Variants in MDM2 observed in about 807,000 individuals in gnomAD.
MDM2 encodes E3 ubiquitin-protein ligase Mdm2.
MDM2 carries 11 observed loss-of-function variants against 64.3 expected under a neutral mutation model. The ratio of observed to expected loss-of-function variants is 0.17; its 90% CI spans 0.11 to 0.28. The LOEUF (loss-of-function observed/expected upper bound fraction) is 0.28, where lower values mean the gene tolerates loss of function less well. Ranked by LOEUF, MDM2 falls within the 10% of genes least tolerant of loss-of-function variation. The pLI is 1.00. For synonymous variants in MDM2, 194 were observed against 192.9 expected (o/e 1.01, Z -0.05); for missense variants, 388 against 577.1 (o/e 0.67, Z 3.36).
chr12:68,824,672 G>T, intron 7 of MDM2, 21 bp downstream of exon 7: 1 of 1,432,122 alleles, frequency 7.0e-7, no homozygotes, highest in South Asian at 1.2e-5. Flanking sequence ...ATATTTATTT[G>T]ACGCATTCAC....
At chr12:68,846,202 C>G (rs1490156540), downstream of MDM2, 2 of 152,170 alleles carry the variant, frequency 1.3e-5, no homozygotes, top group African/African-American at 2.4e-5. Flanking sequence ...ATCCGCCCAC[C>G]TCGGCCTCCC....
intron 3 of MDM2, among the ~76,000 whole-genome samples, chr12:68,815,473 ACT>A (rs916872977): frequency 9.1e-6 from 1 of 109,604 alleles, no homozygotes; most frequent in Admixed American, 1.2e-4. Flanking sequence ...ACAGTTTCTC[ACT>A]CTCTTGCCCA....
chr12:68,836,955 CTTTTTTTT>C (rs35125243), intron 10 of MDM2, among the ~76,000 whole-genome samples: 2 of 136,702 alleles, frequency 1.5e-5, no homozygotes, highest in South Asian at 2.4e-4. Context: ...GGAATTTGAA[CTTTTTTTT>C]TTTTTTTTTT....
In MDM2 at chr12:68,845,150, G is replaced by C. The variant is rs1362317967; in HGVS notation, c.*5301G>C. ...CAAGTTGTTAATGGCATTGTGAAAA[G>C]TTTTTAGTTGCGCTTTATGGGTGGA... On this transcript the variant is annotated 3_prime_UTR_variant, in exon 11 of 11. Coordinates refer to ENST00000258149, the MANE Select transcript of MDM2 (RefSeq NM_002392.6). 1 of 223,804 alleles carries C rather than the reference G, an allele frequency of 4.5e-6. No individual in the cohort carries two copies. The highest frequency in any genetic ancestry group is 8.9e-6 in the Non-Finnish European group (1 of 112,326). The allele number at this position is 223,804 out of a possible 1,614,324, so 13.9% of individuals were successfully genotyped here. A position where few individuals can be genotyped will look rare whatever the true frequency, so the allele number is the denominator to read the frequency against.
At chr12:68,809,127 T>C in intron 1 of MDM2, 81 bp from the exon 2 acceptor site, 2 of 1,578,168 alleles carry the variant, frequency 1.3e-6, no homozygotes, top group East Asian at 4.5e-5. Context: ...TTAACTGTTG[T>C]TTATGTTCTT....
At chr12:68,818,509 TTCATC>T (rs1291549242) in intron 4 of MDM2, among the ~76,000 whole-genome samples, 1 of 148,898 alleles carries the variant, frequency 6.7e-6, no homozygotes, top group Non-Finnish European at 1.5e-5. Context: ...ATATTTAAAT[TTCATC>T]TAGCTTCTTA....
intron 8 of MDM2, among the ~76,000 whole-genome samples, chr12:68,833,488 T>G (rs1010744872): frequency 2.7e-5 from 4 of 148,664 alleles, no homozygotes; most frequent in African/African-American, 4.9e-5. Flanking sequence ...GGGGCATTCT[T>G]TTGCGAACAT....
At position 68,839,925 on chromosome 12, in the gene MDM2, C is replaced by A; in HGVS notation, c.*76C>A. The A allele has an allele frequency of 2.3e-6, 3 of 1,328,310 alleles. No homozygotes were observed. Among genetic ancestry groups the A allele is most frequent in the East Asian group, 2.5e-5 (1 of 40,346 alleles). The allele number at this position is 1,328,310 out of a possible 1,614,324, so 82.3% of individuals were successfully genotyped here. ...ATTTAGACAACCTGAAATTTATTCA[C>A]ATATATCAAAGTGAGAAAATGCCTC... is the stretch of plus-strand genomic sequence containing the variant. On this transcript the variant is annotated 3_prime_UTR_variant, in exon 11 of 11. Coordinates refer to ENST00000258149, the MANE Select transcript of MDM2 (RefSeq NM_002392.6).
chr12:68,829,514 T>C (rs1882620126), intron 8 of MDM2, among the ~76,000 whole-genome samples: 1 of 152,098 alleles, frequency 6.6e-6, no homozygotes, highest in Admixed American at 6.6e-5. Context: ...ATGCCTGTAA[T>C]CAGTACTTTC....
At chr12:68,816,688 C>A in intron 3 of MDM2, 124 bp from the exon 4 acceptor site, 1 of 851,122 alleles carries the variant, frequency 1.2e-6, no homozygotes, top group Non-Finnish European at 1.7e-6. Context: ...AATGGTTGTT[C>A]TACATAGTTG....
Position 68,843,530 on chromosome 12 carries a change from A to G in MDM2, c.*3681A>G. The stretch of plus-strand genomic sequence containing the variant: ...CTTCTTGATTTATATTTAAATATGA[A>G]TCTTAAGCAAAACAGTGAAAATAAC... On this transcript the variant is annotated 3_prime_UTR_variant, in exon 11 of 11. Coordinates refer to ENST00000258149, the MANE Select transcript of MDM2 (RefSeq NM_002392.6). 1 of 226,496 alleles carries G rather than the reference A, an allele frequency of 4.4e-6. No individual in the cohort carries two copies. The highest frequency in any genetic ancestry group is 6.4e-5 in the East Asian group (1 of 15,608). The allele number at this position is 226,496 out of a possible 1,614,324, so 14.0% of individuals were successfully genotyped here.
At chr12:68,824,200 C>A (rs1209991158) in intron 5 of MDM2, 163 bp from the exon 6 acceptor site, 11 of 575,318 alleles carry the variant, frequency 1.9e-5, no homozygotes, top group Non-Finnish European at 3.4e-5. Context: ...TTTACATCTG[C>A]AACATTTAGT....
rs1883813057 is a variant in MDM2 at position 68,842,060 on chromosome 12, T to C, written c.*2211T>C. The C allele has an allele frequency of 2.5e-6, 1 of 405,470 alleles. No homozygotes were observed. The highest frequency in any genetic ancestry group is 2.0e-5 in the African/African-American group (1 of 49,272). The allele number at this position is 405,470 out of a possible 1,614,324, so 25.1% of individuals were successfully genotyped here. On this transcript the variant is annotated 3_prime_UTR_variant, in exon 11 of 11. Transcript: ENST00000258149. ...TAAAAGAAGTGCAATTCTCAAAAGG[T>C]TAGGTGGACTAAAGCATTCTGTAAA...
At chr12:68,826,864 AC>A in intron 7 of MDM2, among the ~76,000 whole-genome samples, 1 of 152,038 alleles carries the variant, frequency 6.6e-6, no homozygotes, top group African/African-American at 2.4e-5. Flanking sequence ...CACGTGCAGA[AC>A]TTGTGATCTC....
Position 68,813,619 on chromosome 12 carries a change from T to C in MDM2, c.165T>C (p.Thr55=), listed in dbSNP as rs1253042220. ...KSVGAQKDTY[T]MKEVLFYLGQ... is the part of the protein sequence containing the mutation. The stretch of plus-strand genomic sequence containing the variant: ...TTGGTGCACAAAAAGACACTTATAC[T>C]ATGAAAGAGGTAAGCTGAATCAAGA... Residue 55 remains threonine, a synonymous_variant, in exon 3 of 11, where the codon ACT becomes ACC. Coordinates refer to ENST00000258149, the MANE Select transcript of MDM2 (RefSeq NM_002392.6). 1 of 1,611,576 alleles carries C rather than the reference T, an allele frequency of 6.2e-7. No individual in the cohort carries two copies. The highest frequency in any genetic ancestry group is 8.5e-7 in the Non-Finnish European group (1 of 1,178,284).
intron 5 of MDM2, among the ~76,000 whole-genome samples, chr12:68,822,745 A>C (rs1233425614): frequency 1.8e-5 from 2 of 113,318 alleles, no homozygotes; most frequent in African/African-American, 8.4e-5. Flanking sequence ...CAACTTTGTC[A>C]CTTTTTTTTT....
At chr12:68,837,957 T>G (rs960772052) in intron 10 of MDM2, among the ~76,000 whole-genome samples, 4 of 152,198 alleles carry the variant, frequency 2.6e-5, no homozygotes, top group African/African-American at 7.2e-5. Context: ...AAATAACTAA[T>G]TGAATCATTT....
In MDM2 at chr12:68,841,380, C is replaced by G. The variant is rs1008506896; in HGVS notation, c.*1531C>G. On this transcript the variant is annotated 3_prime_UTR_variant, in exon 11 of 11. Coordinates refer to ENST00000258149, the MANE Select transcript of MDM2 (RefSeq NM_002392.6). The stretch of plus-strand genomic sequence containing the variant: ...GCAAAGTGCTAAGTAGGATTACAGG[C>G]GTTAGCCACCACACCCGGCTGTAAA... 4 of 208,260 alleles carry G rather than the reference C, an allele frequency of 1.9e-5. No homozygotes were observed. Among genetic ancestry groups the G allele is most frequent in the Non-Finnish European group, 3.9e-5 (4 of 102,060 alleles). The allele number at this position is 208,260 out of a possible 1,614,324, so 12.9% of individuals were successfully genotyped here. A position where few individuals can be genotyped will look rare whatever the true frequency, so the allele number is the denominator to read the frequency against.
intron 5 of MDM2, among the ~76,000 whole-genome samples, chr12:68,821,434 GCT>G (rs1256476796): frequency 1.3e-5 from 2 of 152,110 alleles, no homozygotes; most frequent in Admixed American, 6.5e-5. Flanking sequence ...GTTAAGAAAT[GCT>G]CTTAGGCCAG....
Sources: allele counts gnomAD v4.1 joint callset (sites outside exome capture counted in the v4.1 genomes callset), GRCh38; gene constraint gnomAD v4.1.1; transcripts MANE v1.5; gene names NCBI Gene and HGNC (gene_info 2026-07-23, HGNC 2026-07-21).